Variants in LRP1B observed in about 807,000 individuals in gnomAD.
The protein encoded by LRP1B is low-density lipoprotein receptor-related protein 1B.
In LRP1B, 217 loss-of-function variants were observed where a neutral mutation model predicts 556.6. That is an observed-to-expected ratio of 0.39 (90% confidence interval 0.35 to 0.44). The LOEUF (loss-of-function observed/expected upper bound fraction) is 0.44, where lower values mean the gene tolerates loss of function less well. LRP1B is among the 20% of genes least tolerant of loss of function. LRP1B has a pLI of 1.00. For missense variants in LRP1B, 5,053 were observed against 5,620.8 expected (o/e 0.90, Z 3.23); for synonymous variants, 2,047 against 1,865.8 (o/e 1.10, Z -2.50).
Position 140,325,389 on chromosome 2 carries a change from C to T in LRP1B, c.12340+373G>A, listed in dbSNP as rs370384588. Among the ~76,000 whole-genome samples the T allele has an allele frequency of 1.2e-4, 18 of 152,224 alleles. No individual in the cohort carries two copies. In the South Asian group the frequency reaches 3.7e-3, roughly 32 times the overall value. On this transcript the variant is annotated intron_variant, in intron 80 of 90. Coordinates refer to ENST00000389484, the MANE Select transcript of LRP1B (RefSeq NM_018557.3). The stretch of plus-strand genomic sequence containing the variant: ...CAATCATTACTGTGATATTTTGCTA[C>T]ATACAGTAACTCATTGTTTGCTTGT...
intron 2 of LRP1B, among the ~76,000 whole-genome samples, chr2:141,597,000 CGTGT>C (rs139570898): frequency 0.074 from 11,251 of 151,404 alleles, 494 homozygotes; most frequent in South Asian, 0.19. Flanking sequence ...TCAGAACTGA[CGTGT>C]GTGTGTGCAT....
intron 1 of LRP1B, among the ~76,000 whole-genome samples, chr2:142,119,897 G>A (rs908953495): frequency 6.6e-6 from 1 of 151,872 alleles, no homozygotes. Context: ...GTTTTAATAG[G>A]GTGGTTATTT....
chr2:140,928,303 A>G (rs1232099974), intron 20 of LRP1B, among the ~76,000 whole-genome samples: 1 of 152,204 alleles, frequency 6.6e-6, no homozygotes, highest in Non-Finnish European at 1.5e-5. Context: ...ATAACAGATA[A>G]TAACAGACTG....
At chr2:140,363,086 ATC>A (rs1160123275) in intron 72 of LRP1B, among the ~76,000 whole-genome samples, 4 of 151,610 alleles carry the variant, frequency 2.6e-5, no homozygotes. Context: ...AGTTCATTGA[ATC>A]TCTCTGTGCC....
chr2:141,993,078 A>T (rs1274293931), intron 1 of LRP1B, among the ~76,000 whole-genome samples: 2 of 152,120 alleles, frequency 1.3e-5, no homozygotes, highest in East Asian at 3.9e-4. Context: ...ATGGTAAAAA[A>T]CCAAGCTGAA....
chr2:140,702,934 A>C (rs1256479955), intron 37 of LRP1B, among the ~76,000 whole-genome samples: 2 of 152,086 alleles, frequency 1.3e-5, no homozygotes, highest in Non-Finnish European at 2.9e-5. Context: ...CACAGATTAG[A>C]ATGGCAAATT....
chr2:141,607,546 T>A (rs985468102), intron 2 of LRP1B, among the ~76,000 whole-genome samples: 3 of 152,136 alleles, frequency 2.0e-5, no homozygotes, highest in Admixed American at 1.3e-4. Flanking sequence ...TCCCTTCCCA[T>A]CCCTCTAAAA....
chr2:140,671,700 G>A (rs1685492127), intron 41 of LRP1B, among the ~76,000 whole-genome samples: 1 of 152,012 alleles, frequency 6.6e-6, no homozygotes, highest in Non-Finnish European at 1.5e-5. Flanking sequence ...AGGACTCTGT[G>A]ATTAAGTTGG....
intron 1 of LRP1B, among the ~76,000 whole-genome samples, chr2:141,846,203 T>C (rs903086290): frequency 4.0e-5 from 6 of 151,358 alleles, no homozygotes; most frequent in East Asian, 3.9e-4. Flanking sequence ...GAAAGGAAAA[T>C]AGGAAATTTT....
At chr2:141,140,727 TTC>T (rs1701628820) in intron 7 of LRP1B, among the ~76,000 whole-genome samples, 1 of 152,168 alleles carries the variant, frequency 6.6e-6, no homozygotes, top group South Asian at 2.1e-4. Flanking sequence ...GAAAATTAAT[TTC>T]TGTTGTTTAA....
chr2:140,440,034 C>T (rs1399480704), intron 66 of LRP1B, among the ~76,000 whole-genome samples: 1 of 151,936 alleles, frequency 6.6e-6, no homozygotes, highest in Middle Eastern at 3.2e-3. Flanking sequence ...AAAAACAGAA[C>T]AAATTATTTA....
chr2:140,935,546 G>A (rs957590376), intron 20 of LRP1B, among the ~76,000 whole-genome samples: 2 of 152,026 alleles, frequency 1.3e-5, no homozygotes, highest in African/African-American at 4.8e-5. Flanking sequence ...GACTTGCAGG[G>A]CACCATGAAG....
chr2:141,690,021 G>C (rs1691458142), intron 2 of LRP1B, among the ~76,000 whole-genome samples: 1 of 151,596 alleles, frequency 6.6e-6, no homozygotes, highest in Non-Finnish European at 1.5e-5. Context: ...TCTTTCACAA[G>C]GTAAACATAG....
At chr2:141,287,481 C>T (rs527984555) in intron 3 of LRP1B, among the ~76,000 whole-genome samples, 1 of 152,088 alleles carries the variant, frequency 6.6e-6, no homozygotes, top group South Asian at 2.1e-4. Context: ...CACCACCATG[C>T]CCTATTTTTG....
chr2:141,891,781 T>C (rs560415154), intron 1 of LRP1B, among the ~76,000 whole-genome samples: 2 of 152,124 alleles, frequency 1.3e-5, no homozygotes, highest in African/African-American at 4.8e-5. Context: ...TTCCTTCATA[T>C]TAATAAGCAT....
At chr2:142,086,925 T>C (rs1705960800) in intron 1 of LRP1B, among the ~76,000 whole-genome samples, 1 of 152,122 alleles carries the variant, frequency 6.6e-6, no homozygotes, top group Non-Finnish European at 1.5e-5. Flanking sequence ...TTTCTGCCTC[T>C]GTGAAGTATT....
chr2:140,872,990 T>A (rs1693187790), intron 25 of LRP1B, among the ~76,000 whole-genome samples: 1 of 152,040 alleles, frequency 6.6e-6, no homozygotes, highest in African/African-American at 2.4e-5. Flanking sequence ...TTTAAGAAAA[T>A]AAAAGTACTT....
intron 25 of LRP1B, among the ~76,000 whole-genome samples, chr2:140,873,838 A>T (rs114993823): frequency 2.0e-5 from 3 of 152,000 alleles, no homozygotes; most frequent in Non-Finnish European, 4.4e-5. Flanking sequence ...CAGGTGAAAA[A>T]TTTTTCTCTA....
At chr2:140,468,497 G>C (rs759463308) in intron 60 of LRP1B, among the ~76,000 whole-genome samples, 1 of 152,080 alleles carries the variant, frequency 6.6e-6, no homozygotes, top group Admixed American at 6.5e-5. Flanking sequence ...GCAGAGCTGT[G>C]GGGGTGGAGT....
Sources: gnomAD v4.1 joint callset for allele counts (sites outside exome capture counted in the v4.1 genomes callset) on GRCh38, gnomAD v4.1.1 for gene constraint, MANE v1.5 for transcripts, NCBI Gene and HGNC (gene_info 2026-07-23, HGNC 2026-07-21) for gene names.